The following LTBP1 variants were observed in gnomAD, a reference collection of about 807,000 sequenced individuals.
LTBP1 encodes latent-transforming growth factor beta-binding protein 1.
A neutral mutation model predicts 207.6 loss-of-function variants in LTBP1; 129 were observed. The observed-to-expected ratio is 0.62, with a 90% CI of 0.54 to 0.72. The LOEUF (loss-of-function observed/expected upper bound fraction) is 0.72. Ranked by LOEUF, LTBP1 falls within the 30% of genes least tolerant of loss-of-function variation. LTBP1 has a pLI of 0.00. For synonymous variants in LTBP1, 963 were observed against 833.7 expected, an observed-to-expected ratio of 1.16 and a Z score of -2.67; for missense variants, 2,281 against 2,217.2, an observed-to-expected ratio of 1.03 and a Z score of -0.58.
chr2:33,208,593 T>C (rs2090053405), intron 7 of LTBP1, among the ~76,000 whole-genome samples: 1 of 152,118 alleles, frequency 6.6e-6, no homozygotes, highest in African/African-American at 2.4e-5. Flanking sequence ...ATCTAATGTA[T>C]CAACCTGGCA....
intron 24 of LTBP1, among the ~76,000 whole-genome samples, chr2:33,329,098 A>G (rs2094464213): frequency 6.6e-6 from 1 of 152,216 alleles, no homozygotes; most frequent in South Asian, 2.1e-4. Flanking sequence ...ATATATAGCC[A>G]GTTTTTCAGA....
intron 7 of LTBP1, among the ~76,000 whole-genome samples, chr2:33,196,396 T>A (rs1024420279): frequency 6.6e-6 from 1 of 152,198 alleles, no homozygotes; most frequent in Non-Finnish European, 1.5e-5. Context: ...TGTAATACAT[T>A]TAGAGACTTT....
intron 3 of LTBP1, among the ~76,000 whole-genome samples, chr2:33,035,304 A>G (rs774727921): frequency 5.3e-5 from 8 of 152,260 alleles, no homozygotes; most frequent in Admixed American, 2.6e-4. Flanking sequence ...CTAACTGGCT[A>G]TATACCTTGA....
At chr2:33,328,171 T>A (rs1000661544) in intron 24 of LTBP1, among the ~76,000 whole-genome samples, 2 of 73,324 alleles carry the variant, frequency 2.7e-5, no homozygotes, top group African/African-American at 6.1e-5. Flanking sequence ...ATAAATAAAA[T>A]AAAAATAAAA....
chr2:33,209,113 C>T (rs1006038956), intron 7 of LTBP1, among the ~76,000 whole-genome samples: 3 of 151,852 alleles, frequency 2.0e-5, no homozygotes, highest in Non-Finnish European at 4.4e-5. Context: ...CCTCAAGTGA[C>T]CCGCCTGCCT....
chr2:33,368,210 A>G (rs1331592267), intron 31 of LTBP1, among the ~76,000 whole-genome samples: 1 of 152,052 alleles, frequency 6.6e-6, no homozygotes, highest in Admixed American at 6.5e-5. Context: ...CTGTCTCAAA[A>G]AAAAAAAGAA....
At chr2:33,387,884 G>A (rs2095281304) in intron 31 of LTBP1, among the ~76,000 whole-genome samples, 1 of 152,168 alleles carries the variant, frequency 6.6e-6, no homozygotes, top group South Asian at 2.1e-4. Context: ...CTAGGCAAGT[G>A]TGGCCATTGC....
chr2:33,258,937 G>A lies in LTBP1; in HGVS notation c.2396-651G>A, dbSNP rs185071088. Among the ~76,000 whole-genome samples the A allele has an allele frequency of 1.4e-4, 22 of 152,242 alleles. No individual in the cohort carries two copies. In the East Asian group the frequency reaches 3.5e-3, roughly 24 times the overall value. On this transcript the variant is annotated intron_variant, in intron 12 of 33. Coordinates refer to ENST00000404816, the MANE Select transcript of LTBP1 (RefSeq NM_206943.4). The stretch of plus-strand genomic sequence containing the variant: ...AAAGCAAGTCTTTAAAAATACAAAG[G>A]CATCACCAACACCCTCACAATAACG...
chr2:32,979,003 C>G (rs1682310742), intron 2 of LTBP1, among the ~76,000 whole-genome samples: 1 of 151,794 alleles, frequency 6.6e-6, no homozygotes, highest in Non-Finnish European at 1.5e-5. Context: ...GTTGCTCATA[C>G]TAGCCTCTAA....
intron 5 of LTBP1, among the ~76,000 whole-genome samples, chr2:33,182,435 G>A (rs2367620): frequency 0.52 from 78,077 of 150,970 alleles, 20,428 homozygotes; most frequent in African/African-American, 0.53. Flanking sequence ...GGCCGAGGTG[G>A]GCGGATGATG....
rs140187394 is a variant in LTBP1 at position 33,205,365 on chromosome 2, A to T, written c.1702-12187A>T. 2.1e-3 allele frequency among the ~76,000 whole-genome samples: 322 copies of T among 152,318 alleles called. 3 individuals are homozygous for T. Among genetic ancestry groups the T allele is most frequent in the African/African-American group, 7.2e-3 (299 of 41,566 alleles). On this transcript the variant is annotated intron_variant, in intron 7 of 33. Coordinates refer to ENST00000404816, the MANE Select transcript of LTBP1 (RefSeq NM_206943.4). The stretch of plus-strand genomic sequence containing the variant: ...AGCTTGCGCTTTTTATAAGGCCAGG[A>T]TCACTTATGAATTGATCTTAGAACT...
At chr2:33,040,492 G>A (rs1444554423) in intron 3 of LTBP1, among the ~76,000 whole-genome samples, 1 of 152,202 alleles carries the variant, frequency 6.6e-6, no homozygotes, top group Non-Finnish European at 1.5e-5. Flanking sequence ...GAAGAGGGAT[G>A]TGCCTTTTCC....
chr2:33,221,932 A>G lies in LTBP1; in HGVS notation c.1805-148A>G, dbSNP rs1191276638. 4 of 513,190 alleles carry G rather than the reference A, an allele frequency of 7.8e-6. No homozygotes were observed. The South Asian group carries it at 1.1e-4, about 14-fold the overall frequency. The allele number at this position is 513,190 out of a possible 1,614,324, so 31.8% of individuals were successfully genotyped here. Reference sequence around the variant, plus strand: ...GAAAAATAAGCAGAATGGGAAAAAAATTATGGAGATATACATTGGTATTGG... The same window carrying G: ...GAAAAATAAGCAGAATGGGAAAAAAGTTATGGAGATATACATTGGTATTGG... On this transcript the variant is annotated intron_variant, in intron 8 of 33. Transcript: ENST00000404816.
intron 5 of LTBP1, among the ~76,000 whole-genome samples, chr2:33,150,710 C>CTTTTTTTTTTTTTTTTTTTTTTTTT (rs1176008947): frequency 5.5e-4 from 38 of 69,302 alleles, no homozygotes; most frequent in Non-Finnish European, 6.7e-4. Flanking sequence ...TTTTCTTTTT[C>CTTTTTTTTTTTTTTTTTTTTTTTTT]TTTTTTTTTT....
chr2:33,371,444 GAGAC>G (rs1445890956), intron 31 of LTBP1, among the ~76,000 whole-genome samples: 1 of 152,182 alleles, frequency 6.6e-6, no homozygotes, highest in Non-Finnish European at 1.5e-5. Context: ...CAGCCTCTGA[GAGAC>G]AGAGCTGTTT....
intron 5 of LTBP1, among the ~76,000 whole-genome samples, chr2:33,145,704 C>T (rs770533049): frequency 1.4e-4 from 21 of 151,836 alleles, no homozygotes; most frequent in Admixed American, 3.9e-4. Context: ...AATCCCATAG[C>T]GTGCCCAGAA....
At chr2:33,059,418 A>T (rs1327619296) in intron 3 of LTBP1, among the ~76,000 whole-genome samples, 1 of 152,232 alleles carries the variant, frequency 6.6e-6, no homozygotes, top group African/African-American at 2.4e-5. Flanking sequence ...AACTTCAAGC[A>T]AGCCTAGGGA....
chr2:33,257,223 C>T, intron 11 of LTBP1, 61 bp from the exon 12 acceptor site: 1 of 1,221,464 alleles, frequency 8.2e-7, no homozygotes, highest in Non-Finnish European at 1.2e-6. Context: ...ATGATATTTT[C>T]CTCTGTATAA....
At chr2:32,958,467 ACT>A (rs1457289753) in intron 2 of LTBP1, among the ~76,000 whole-genome samples, 1 of 151,948 alleles carries the variant, frequency 6.6e-6, no homozygotes, top group Non-Finnish European at 1.5e-5. Flanking sequence ...CTCCCTAAGC[ACT>A]CTGATTTCAC....
Sources: gnomAD v4.1 joint callset for allele counts (sites outside exome capture counted in the v4.1 genomes callset) on GRCh38, gnomAD v4.1.1 for gene constraint, MANE v1.5 for transcripts, NCBI Gene and HGNC (gene_info 2026-07-23, HGNC 2026-07-21) for gene names.